Variants in GRIK1 observed in about 807,000 individuals in gnomAD.
GRIK1 encodes glutamate ionotropic receptor kainate type subunit 1.
Under a neutral mutation model 105.7 loss-of-function variants are expected in GRIK1, and 69 were observed. The observed-to-expected ratio is 0.65, with a 90% CI of 0.54 to 0.80. The LOEUF is 0.80. Ranked by LOEUF, GRIK1 falls within the 30% of genes least tolerant of loss-of-function variation. The pLI is 0.00. For synonymous variants in GRIK1, 438 were observed against 431.3 expected, an observed-to-expected ratio of 1.02 and a Z score of -0.19; for missense variants, 1,109 against 1,167.3, an observed-to-expected ratio of 0.95 and a Z score of 0.73.
intron 8 of GRIK1, 55 bp from the exon 9 acceptor site, chr21:29,596,625 G>A (rs372845109): frequency 1.2e-4 from 149 of 1,246,414 alleles, no homozygotes; most frequent in African/African-American, 4.1e-4. Context: ...AAAATGGAGC[G>A]TGAAACCCAG....
chr21:29,541,788 T>A (rs950004224), intron 16 of GRIK1, among the ~76,000 whole-genome samples: 1 of 144,382 alleles, frequency 6.9e-6, no homozygotes, highest in Non-Finnish European at 1.5e-5. Context: ...TCTATGTAGT[T>A]GTAGGCATTA....
intron 1 of GRIK1, among the ~76,000 whole-genome samples, chr21:29,745,846 G>A (rs748124036): frequency 6.6e-6 from 1 of 152,224 alleles, no homozygotes; most frequent in Non-Finnish European, 1.5e-5. Flanking sequence ...GCTCATGCCT[G>A]TAATCCCAGC....
chr21:29,862,763 C>T (rs1164709820), intron 1 of GRIK1, among the ~76,000 whole-genome samples: 1 of 152,170 alleles, frequency 6.6e-6, no homozygotes, highest in Non-Finnish European at 1.5e-5. Flanking sequence ...TTAATGAACC[C>T]CTTGTTTGTA....
intron 3 of GRIK1, among the ~76,000 whole-genome samples, chr21:29,675,743 T>C (rs2063252959): frequency 6.6e-6 from 1 of 152,124 alleles, no homozygotes; most frequent in South Asian, 2.1e-4. Flanking sequence ...TACCACTTAA[T>C]TTTACAGATT....
At chr21:29,692,088 G>A (rs545856900) in intron 2 of GRIK1, among the ~76,000 whole-genome samples, 65 of 152,280 alleles carry the variant, frequency 4.3e-4, no homozygotes, top group African/African-American at 1.6e-3. Context: ...TGAGATTCCT[G>A]TTAATAGTTA....
intron 1 of GRIK1, among the ~76,000 whole-genome samples, chr21:29,732,305 T>C (rs2064652435): frequency 6.6e-6 from 1 of 152,186 alleles, no homozygotes; most frequent in South Asian, 2.1e-4. Flanking sequence ...ACATAGGGGC[T>C]GAAGGCAACA....
intron 1 of GRIK1, among the ~76,000 whole-genome samples, chr21:29,791,541 A>G (rs185362731): frequency 6.6e-6 from 1 of 152,262 alleles, no homozygotes; most frequent in East Asian, 1.9e-4. Flanking sequence ...TAGTTTAGGT[A>G]GTTCAATGGG....
At chr21:29,714,348 T>G (rs969231626) in intron 1 of GRIK1, among the ~76,000 whole-genome samples, 2 of 152,152 alleles carry the variant, frequency 1.3e-5, no homozygotes, top group African/African-American at 4.8e-5. Context: ...AAAGTGTAAT[T>G]TGTGTGAATC....
chr21:29,760,408 C>A (rs1161092075), intron 1 of GRIK1: 1 of 152,212 alleles, frequency 6.6e-6, no homozygotes, highest in Non-Finnish European at 1.5e-5. Flanking sequence ...ACATATAAGC[C>A]AAGAGAGTGC....
chr21:29,913,443 T>C (rs1235240251), intron 1 of GRIK1, among the ~76,000 whole-genome samples: 4 of 152,026 alleles, frequency 2.6e-5, no homozygotes, highest in African/African-American at 7.2e-5. Flanking sequence ...GAGTATATGG[T>C]AGAAAAAGTA....
chr21:29,928,254 T>C (rs956884552), intron 1 of GRIK1, among the ~76,000 whole-genome samples: 2 of 152,254 alleles, frequency 1.3e-5, no homozygotes, highest in African/African-American at 2.4e-5. Context: ...ATTGTTTTTG[T>C]TGCTTCTTTC....
At chr21:29,857,811 C>T (rs1486051326) in intron 1 of GRIK1, among the ~76,000 whole-genome samples, 1 of 152,150 alleles carries the variant, frequency 6.6e-6, no homozygotes, top group Non-Finnish European at 1.5e-5. Context: ...TTTGAGTTAT[C>T]ATGTCAAGAC....
In GRIK1 at chr21:29,642,640, A is replaced by G. The variant is rs182691164; in HGVS notation, c.1098+186T>C. 1.2e-3 allele frequency among the ~76,000 whole-genome samples: 185 copies of G among 152,340 alleles called. 1 individual carries two copies. The highest frequency in any genetic ancestry group is 4.4e-4 in the Non-Finnish European group (30 of 68,034). On this transcript the variant is annotated intron_variant, in intron 7 of 17. Coordinates refer to ENST00000327783, the MANE Select transcript of GRIK1 (RefSeq NM_001330994.2). Reference sequence around the variant, plus strand: ...CGTCACTGAACTTCTCAGCATCACAATGGAAAATTCCTGCTAGTCCTTCTG... The same window carrying G: ...CGTCACTGAACTTCTCAGCATCACAGTGGAAAATTCCTGCTAGTCCTTCTG...
intron 1 of GRIK1, among the ~76,000 whole-genome samples, chr21:29,938,212 A>G (rs984102238): frequency 5.9e-5 from 9 of 152,240 alleles, no homozygotes; most frequent in Admixed American, 2.0e-4. Flanking sequence ...AGTGTCTGGC[A>G]CTGCTCCTGG....
In GRIK1 at chr21:29,839,905, T is replaced by A. The variant is rs139577249; in HGVS notation, c.118+99478A>T. Among the ~76,000 whole-genome samples the A allele has an allele frequency of 5.3e-3, 802 of 152,286 alleles. 7 individuals carry two copies. Among genetic ancestry groups the A allele is most frequent in the African/African-American group, 0.019 (782 of 41,568 alleles). On this transcript the variant is annotated intron_variant, in intron 1 of 17. Transcript: ENST00000327783. ...CTCAGTAGTGTGAAAGGTTTTTATG[T>A]GGAAGGAAGGTAGACTATTCTATAC...
intron 1 of GRIK1, among the ~76,000 whole-genome samples, chr21:29,883,244 C>A (rs1381220562): frequency 6.6e-6 from 1 of 152,042 alleles, no homozygotes; most frequent in Non-Finnish European, 1.5e-5. Context: ...CTTTCAGCAA[C>A]CATTTAAATT....
intron 1 of GRIK1, among the ~76,000 whole-genome samples, chr21:29,879,091 T>C (rs1601926551): frequency 6.6e-6 from 1 of 152,174 alleles, no homozygotes; most frequent in Non-Finnish European, 1.5e-5. Flanking sequence ...CTAAACATCC[T>C]GGTCTGAGCA....
At chr21:29,788,163 A>T (rs2066309804) in intron 1 of GRIK1, among the ~76,000 whole-genome samples, 1 of 152,226 alleles carries the variant, frequency 6.6e-6, no homozygotes, top group Non-Finnish European at 1.5e-5. Context: ...GAAAGATGAC[A>T]AAACAATTCC....
chr21:29,833,133 C>T (rs921332277), intron 1 of GRIK1, among the ~76,000 whole-genome samples: 1 of 152,210 alleles, frequency 6.6e-6, no homozygotes, highest in Non-Finnish European at 1.5e-5. Context: ...GTGACCTTTG[C>T]TTTACTTCCT....
Sources: gnomAD v4.1 joint callset for allele counts (sites outside exome capture counted in the v4.1 genomes callset) on GRCh38, gnomAD v4.1.1 for gene constraint, MANE v1.5 for transcripts, NCBI Gene and HGNC (gene_info 2026-07-23, HGNC 2026-07-21) for gene names.